Variants in BRINP1 observed in about 807,000 individuals in gnomAD.
BRINP1 encodes BMP/retinoic acid-inducible neural-specific protein 1.
In BRINP1, 17 loss-of-function variants were observed where a neutral mutation model predicts 72.9. The ratio of observed to expected loss-of-function variants is 0.23; its 90% CI spans 0.16 to 0.35. BRINP1 has a LOEUF of 0.35. BRINP1 is among the 10% of genes least tolerant of loss of function. BRINP1 has a pLI of 1.00. For synonymous variants in BRINP1, 418 were observed against 378.5 expected (o/e 1.10, Z -1.21); for missense variants, 850 against 1,001.6 (o/e 0.85, Z 2.04).
chr9:119,223,382 G>A (rs1311240996), intron 5 of BRINP1, among the ~76,000 whole-genome samples: 2 of 152,020 alleles, frequency 1.3e-5, no homozygotes, highest in Non-Finnish European at 2.9e-5. Context: ...GTACAGGGTA[G>A]TTGTTTAAGT....
At chr9:119,243,374 G>C (rs1830278283) in intron 3 of BRINP1, among the ~76,000 whole-genome samples, 1 of 152,032 alleles carries the variant, frequency 6.6e-6, no homozygotes, top group South Asian at 2.1e-4. Context: ...CCCTGCAAAG[G>C]ATATGATCTC....
chr9:119,207,806 G>C (rs1050690893), intron 7 of BRINP1, among the ~76,000 whole-genome samples: 1 of 152,124 alleles, frequency 6.6e-6, no homozygotes, highest in Non-Finnish European at 1.5e-5. Flanking sequence ...CTTTTTCTTA[G>C]AACTAAATTG....
intron 2 of BRINP1, among the ~76,000 whole-genome samples, chr9:119,288,467 C>G (rs1830789381): frequency 6.6e-6 from 1 of 152,098 alleles, no homozygotes; most frequent in Admixed American, 6.6e-5. Flanking sequence ...CAGTAGCCAA[C>G]AGACTCCTTG....
chr9:119,324,636 A>G (rs1224147118), intron 1 of BRINP1, among the ~76,000 whole-genome samples: 4 of 152,242 alleles, frequency 2.6e-5, no homozygotes, highest in African/African-American at 9.6e-5. Context: ...TACATCTGCT[A>G]TCATTAATGC....
chr9:119,286,801 G>T (rs904063266), intron 2 of BRINP1, among the ~76,000 whole-genome samples: 2 of 152,178 alleles, frequency 1.3e-5, no homozygotes, highest in African/African-American at 4.8e-5. Context: ...CAGACAGAGT[G>T]TTCTACCCTT....
chr9:119,189,395 A>G (rs1368645119), intron 7 of BRINP1, among the ~76,000 whole-genome samples: 1 of 152,164 alleles, frequency 6.6e-6, no homozygotes, highest in South Asian at 2.1e-4. Context: ...TGACAAAAGA[A>G]AAGACTCAAC....
chr9:119,249,805 T>TGGAAGGAAGGAA (rs1348208106), intron 2 of BRINP1, among the ~76,000 whole-genome samples: 1,184 of 31,528 alleles, frequency 0.038, 180 homozygotes, highest in Non-Finnish European at 0.043. Context: ...AATAAACAAA[T>TGGAAGGAAGGAA]GGAAGGAAGG....
chr9:119,289,079 C>T (rs1267906334), intron 2 of BRINP1, among the ~76,000 whole-genome samples: 10 of 152,194 alleles, frequency 6.6e-5, no homozygotes, highest in Non-Finnish European at 1.0e-4. Flanking sequence ...GGGTTACAGG[C>T]GTGAGCCACC....
chr9:119,241,742 T>A (rs999610293), intron 4 of BRINP1, among the ~76,000 whole-genome samples: 2 of 152,206 alleles, frequency 1.3e-5, no homozygotes, highest in Admixed American at 6.5e-5. Context: ...TCTCTGTTTC[T>A]TCTCTAGAAA....
chr9:119,278,948 C>A (rs570596120), intron 2 of BRINP1, among the ~76,000 whole-genome samples: 2 of 152,052 alleles, frequency 1.3e-5, no homozygotes, highest in South Asian at 4.2e-4. Context: ...ACTTTTCTGT[C>A]AATTGATTTT....
chr9:119,252,945 T>A (rs1041015018), intron 2 of BRINP1, among the ~76,000 whole-genome samples: 1 of 152,006 alleles, frequency 6.6e-6, no homozygotes, highest in Non-Finnish European at 1.5e-5. Flanking sequence ...GAAAAGAAAC[T>A]CAGAAAGATG....
chr9:119,263,427 A>G (rs1173140293), intron 2 of BRINP1, among the ~76,000 whole-genome samples: 1 of 151,814 alleles, frequency 6.6e-6, no homozygotes, highest in African/African-American at 2.4e-5. Flanking sequence ...TCTACAGGGC[A>G]CTTTAGTTGA....
intron 5 of BRINP1, among the ~76,000 whole-genome samples, chr9:119,230,201 G>A (rs534048281): frequency 5.3e-5 from 8 of 152,232 alleles, no homozygotes; most frequent in African/African-American, 1.9e-4. Flanking sequence ...TCTGGAGCAT[G>A]GATATGGTAT....
chr9:119,297,367 C>T (rs558701074), intron 2 of BRINP1, among the ~76,000 whole-genome samples: 1 of 152,188 alleles, frequency 6.6e-6, no homozygotes, highest in African/African-American at 2.4e-5. Flanking sequence ...TTCTCAGCGC[C>T]CTGTATAGCC....
intron 1 of BRINP1, among the ~76,000 whole-genome samples, chr9:119,365,145 A>G (rs1392254272): frequency 6.6e-6 from 1 of 152,250 alleles, no homozygotes; most frequent in Non-Finnish European, 1.5e-5. Context: ...TTTCAGATAA[A>G]ATGGTACAGA....
chr9:119,249,868 G>GA (rs1830363237), intron 2 of BRINP1, among the ~76,000 whole-genome samples: 1 of 89,748 alleles, frequency 1.1e-5, no homozygotes, highest in African/African-American at 5.4e-5. Flanking sequence ...GGGAGGGAGG[G>GA]AGGGAGGGAA....
rs377045870 is a variant in BRINP1 at position 119,353,291 on chromosome 9, C to A, written c.-51+15765G>T. ...TTATTTTTCATTGCCTCCTTCTAAC[C>A]TTCCTCCACCTTTCCCTCCTTTTCC... On this transcript the variant is annotated intron_variant, in intron 1 of 7. Coordinates refer to ENST00000265922, the MANE Select transcript of BRINP1 (RefSeq NM_014618.3). Among the ~76,000 whole-genome samples the A allele has an allele frequency of 8.5e-5, 13 of 152,320 alleles. No individual in the cohort carries two copies. The South Asian group carries it at 2.7e-3, about 32-fold the overall frequency.
intron 7 of BRINP1, among the ~76,000 whole-genome samples, chr9:119,175,561 T>G (rs929005457): frequency 6.6e-6 from 1 of 151,938 alleles, no homozygotes; most frequent in Non-Finnish European, 1.5e-5. Context: ...TTTCCAGAGC[T>G]CCAAACTCTC....
At chr9:119,235,166 C>T (rs1830182201) in intron 5 of BRINP1, among the ~76,000 whole-genome samples, 1 of 152,172 alleles carries the variant, frequency 6.6e-6, no homozygotes, top group Non-Finnish European at 1.5e-5. Context: ...TAACTGTCCA[C>T]ACAAGAGTCA....
Sources: gnomAD v4.1 joint callset for allele counts (sites outside exome capture counted in the v4.1 genomes callset) on GRCh38, gnomAD v4.1.1 for gene constraint, MANE v1.5 for transcripts, NCBI Gene and HGNC (gene_info 2026-07-23, HGNC 2026-07-21) for gene names.